UBXN7: variants seen among roughly 807,000 people sequenced by gnomAD.
The protein encoded by UBXN7 is UBX domain protein 7.
A neutral mutation model predicts 58.0 loss-of-function variants in UBXN7; 9 were observed. That is an observed-to-expected ratio of 0.16 (90% CI 0.09 to 0.27). UBXN7 has a LOEUF of 0.27. Ranked by LOEUF, UBXN7 falls within the 10% of genes least tolerant of loss-of-function variation. UBXN7 has a pLI of 1.00. For missense variants in UBXN7, 328 were observed against 599.6 expected (o/e 0.55, Z 4.73); for synonymous variants, 208 against 205.0 (o/e 1.01, Z -0.12).
At chr3:196,431,781 C>A in intron 1 of UBXN7, 1 of 445,312 alleles carries the variant, frequency 2.2e-6, no homozygotes, top group Non-Finnish European at 4.5e-6. Context: ...CGGCCGAACC[C>A]ACCGGCCTTG....
At chr3:196,361,105 C>T (rs1728493316) in intron 10 of UBXN7, among the ~76,000 whole-genome samples, 1 of 152,144 alleles carries the variant, frequency 6.6e-6, no homozygotes. Flanking sequence ...TCAACATGAA[C>T]AGGGCTTTGG....
chr3:196,402,090 C>T lies in UBXN7; in HGVS notation c.289+862G>A, dbSNP rs145436516. On this transcript the variant is annotated intron_variant, in intron 3 of 10. Coordinates refer to ENST00000296328, the MANE Select transcript of UBXN7 (RefSeq NM_015562.2). Reference sequence around the variant, plus strand: ...AGACTGGAGTGCAGTGGCAGTATCTCGGCTCACTGCAACCTCAGCCTCCCG... The same window carrying T: ...AGACTGGAGTGCAGTGGCAGTATCTTGGCTCACTGCAACCTCAGCCTCCCG... Among the ~76,000 whole-genome samples the T allele has an allele frequency of 1.0e-3, 159 of 152,214 alleles. No individual in the cohort carries two copies. In the East Asian group the frequency reaches 0.023, roughly 22 times the overall value.
chr3:196,423,127 C>T (rs921936906), intron 1 of UBXN7, among the ~76,000 whole-genome samples: 1 of 152,232 alleles, frequency 6.6e-6, no homozygotes, highest in African/African-American at 2.4e-5. Flanking sequence ...CAAGCCATAA[C>T]CAGAGGACAC....
intron 5 of UBXN7, among the ~76,000 whole-genome samples, chr3:196,374,568 A>C (rs1322303668): frequency 6.6e-6 from 1 of 151,796 alleles, no homozygotes; most frequent in South Asian, 2.1e-4. Context: ...CAAAACAACA[A>C]TATTGGGAGG....
Position 196,347,873 on chromosome 3 carries a change from C to T in UBXN7, c.*8812G>A. 1 of 122,896 alleles carries T rather than the reference C, an allele frequency of 8.1e-6. No homozygotes were observed. Among genetic ancestry groups the T allele is most frequent in the Non-Finnish European group, 1.6e-5 (1 of 61,878 alleles). 7.6% of individuals were successfully genotyped at this position (122,896 alleles called of 1,614,324 possible). On this transcript the variant is annotated 3_prime_UTR_variant, in exon 11 of 11. Coordinates refer to ENST00000296328, the MANE Select transcript of UBXN7 (RefSeq NM_015562.2). The stretch of plus-strand genomic sequence containing the variant: ...CATTGTCCCCCCACCCTCCCCGTTT[C>T]AAGTTGCAGTATTAATATAAAGCAA...
intron 1 of UBXN7, among the ~76,000 whole-genome samples, chr3:196,407,684 A>G (rs944107692): frequency 2.0e-5 from 3 of 152,284 alleles, no homozygotes; most frequent in East Asian, 1.9e-4. Flanking sequence ...TTAAATGGCC[A>G]AAGTATATAT....
intron 5 of UBXN7, among the ~76,000 whole-genome samples, chr3:196,372,449 C>T (rs1728871059): frequency 1.3e-5 from 2 of 150,572 alleles, no homozygotes; most frequent in South Asian, 4.2e-4. Flanking sequence ...TCAAGTGATT[C>T]TCCCGCCGCA....
chr3:196,414,585 T>C (rs1307604885), intron 1 of UBXN7: 2 of 152,236 alleles, frequency 1.3e-5, no homozygotes, highest in Non-Finnish European at 2.9e-5. Context: ...GGTAGGACTT[T>C]ATAAAACCCT....
intron 1 of UBXN7, among the ~76,000 whole-genome samples, chr3:196,417,171 G>A (rs1730518372): frequency 6.6e-6 from 1 of 152,102 alleles, no homozygotes; most frequent in African/African-American, 2.4e-5. Flanking sequence ...AAATTAGCCG[G>A]GCGTGGTGGC....
chr3:196,372,880 G>T (rs1205185680), intron 5 of UBXN7, among the ~76,000 whole-genome samples: 1 of 151,578 alleles, frequency 6.6e-6, no homozygotes, highest in African/African-American at 2.4e-5. Context: ...CGAGTAGCTG[G>T]GATTACAGGT....
chr3:196,360,795 G>A (rs933800364), intron 10 of UBXN7, among the ~76,000 whole-genome samples: 3 of 152,142 alleles, frequency 2.0e-5, no homozygotes, highest in African/African-American at 4.8e-5. Flanking sequence ...AGGCTGCGGT[G>A]AGAGGATTAC....
rs150336591 is a variant in UBXN7 at position 196,375,963 on chromosome 3, A to G, written c.469-3921T>C. Among the ~76,000 whole-genome samples the G allele has an allele frequency of 6.6e-4, 101 of 152,358 alleles. No homozygotes were observed. In the East Asian group the frequency reaches 0.016, roughly 24 times the overall value. On this transcript the variant is annotated intron_variant, in intron 5 of 10. Transcript: ENST00000296328. ...AGTATTGCTTGAATCTGGGAGGCAG[A>G]GGTTGCAGTGAGCTGGGATCATGCC...
Position 196,356,578 on chromosome 3 carries a change from C to T in UBXN7, c.*107G>A. On this transcript the variant is annotated 3_prime_UTR_variant, in exon 11 of 11. Transcript: ENST00000296328. Reference sequence around the variant, plus strand: ...TAAGAGAAGGAAGGTGACTTGCTTGCCCAACTTTGGCTCTGTGGTCCTATG... The same window carrying T: ...TAAGAGAAGGAAGGTGACTTGCTTGTCCAACTTTGGCTCTGTGGTCCTATG... 1.6e-6 allele frequency: 2 copies of T among 1,282,066 alleles called. No individual in the cohort carries two copies. The highest frequency in any genetic ancestry group is 2.1e-6 in the Non-Finnish European group (2 of 938,766). 79.4% of individuals were successfully genotyped at this position (1,282,066 alleles called of 1,614,324 possible).
intron 3 of UBXN7, among the ~76,000 whole-genome samples, chr3:196,401,248 CAAAAAAA>C (rs35766312): frequency 4.4e-4 from 1 of 2,278 alleles, no homozygotes; most frequent in Admixed American, 9.4e-3. Context: ...CCCGTCTCTC[CAAAAAAA>C]AAAAAAAAAA....
intron 1 of UBXN7, among the ~76,000 whole-genome samples, chr3:196,415,510 C>T (rs1289253800): frequency 4.1e-5 from 6 of 145,900 alleles, no homozygotes; most frequent in Non-Finnish European, 6.0e-5. Flanking sequence ...GGTGCGGTGG[C>T]TCACACCTGT....
chr3:196,371,849 T>A, intron 6 of UBXN7, 47 bp downstream of exon 6: 1 of 1,589,386 alleles, frequency 6.3e-7, no homozygotes, highest in Non-Finnish European at 8.6e-7. Flanking sequence ...CAACCCACAC[T>A]ACAAAAGTAA....
intron 1 of UBXN7, among the ~76,000 whole-genome samples, chr3:196,425,092 T>C (rs1387979721): frequency 2.0e-5 from 3 of 152,190 alleles, no homozygotes; most frequent in African/African-American, 4.8e-5. Context: ...CAGCTCCATC[T>C]GGAAGTCCTA....
intron 10 of UBXN7, among the ~76,000 whole-genome samples, chr3:196,359,436 AG>A (rs1441480421): frequency 2.6e-5 from 4 of 152,180 alleles, no homozygotes; most frequent in African/African-American, 7.2e-5. Context: ...CCCAAGTGAA[AG>A]GAAGTGTCCA....
In UBXN7 at chr3:196,386,240, G is replaced by A. The variant is rs994461859; in HGVS notation, c.468+5573C>T. ...AAGTACCCAGGGACACAAACACTGC[G>A]GAAGGCAGCAGGGCCCTCTGCGTAG... On this transcript the variant is annotated intron_variant, in intron 5 of 10. Coordinates refer to ENST00000296328, the MANE Select transcript of UBXN7 (RefSeq NM_015562.2). Among the ~76,000 whole-genome samples the A allele has an allele frequency of 3.3e-5, 5 of 151,764 alleles. No homozygotes were observed. The East Asian group carries it at 5.8e-4, about 18-fold the overall frequency.
Sources: allele counts gnomAD v4.1 joint callset (sites outside exome capture counted in the v4.1 genomes callset), GRCh38; gene constraint gnomAD v4.1.1; transcripts MANE v1.5; gene names NCBI Gene and HGNC (gene_info 2026-07-23, HGNC 2026-07-21).